Variants in SNX30 observed in about 807,000 individuals in gnomAD.
The protein encoded by SNX30 is sorting nexin-30.
Under a neutral mutation model 46.4 loss-of-function variants are expected in SNX30, and 24 were observed. The ratio of observed to expected loss-of-function variants is 0.52; its 90% CI spans 0.37 to 0.73. The LOEUF (loss-of-function observed/expected upper bound fraction) is 0.73. SNX30 is among the 30% of genes least tolerant of loss of function. The pLI is 0.00. For synonymous variants in SNX30, 189 were observed against 211.5 expected (o/e 0.89, Z 0.92); for missense variants, 533 against 555.7 (o/e 0.96, Z 0.41).
chr9:112,871,123 T>C lies in SNX30; in HGVS notation c.*2280T>C, dbSNP rs530979397. The C allele has an allele frequency of 5.2e-5, 8 of 152,422 alleles. No individual in the cohort carries two copies. The South Asian group carries it at 1.7e-3, about 32-fold the overall frequency. 9.4% of individuals were successfully genotyped at this position (152,422 alleles called of 1,614,324 possible). A position where few individuals can be genotyped will look rare whatever the true frequency, so the allele number is the denominator to read the frequency against. On this transcript the variant is annotated 3_prime_UTR_variant, in exon 9 of 9. Coordinates refer to ENST00000374232, the MANE Select transcript of SNX30 (RefSeq NM_001012994.2). ...AGGCAGGCACCGTGGGATTTGGGCT[T>C]GCTCTGCTTGGTCCCCATGTGATGC...
chr9:112,771,485 C>G (rs868371912), intron 1 of SNX30, among the ~76,000 whole-genome samples: 1 of 152,052 alleles, frequency 6.6e-6, no homozygotes, highest in Non-Finnish European at 1.5e-5. Flanking sequence ...GTCTGTCTTG[C>G]GTGTGTGTGA....
intron 4 of SNX30, among the ~76,000 whole-genome samples, chr9:112,835,763 CT>C (rs1318695536): frequency 6.6e-6 from 1 of 152,212 alleles, no homozygotes; most frequent in Non-Finnish European, 1.5e-5. Context: ...TTTTCTGCCA[CT>C]GTTTCCTGCT....
At chr9:112,798,006 G>C (rs143404727) in intron 1 of SNX30, among the ~76,000 whole-genome samples, 1 of 150,226 alleles carries the variant, frequency 6.7e-6, no homozygotes, top group Non-Finnish European at 1.5e-5. Context: ...GGCACTGCGC[G>C]CCCAGCCAGG....
chr9:112,770,225 G>A (rs1839626394), intron 1 of SNX30, among the ~76,000 whole-genome samples: 2 of 152,008 alleles, frequency 1.3e-5, no homozygotes. Context: ...AGGCTGGAGT[G>A]TTGTGGTGCG....
intron 1 of SNX30, among the ~76,000 whole-genome samples, chr9:112,773,057 G>A (rs1024752870): frequency 2.0e-5 from 3 of 152,194 alleles, no homozygotes; most frequent in African/African-American, 4.8e-5. Context: ...TTGTTCCAAA[G>A]CAAGGAAGCA....
At position 112,836,331 on chromosome 9, in the gene SNX30, G is replaced by A. The variant is rs1309357448; in HGVS notation, c.736G>A (p.Gly246Ser). The A allele has an allele frequency of 6.2e-7, 1 of 1,613,270 alleles. No homozygotes were observed. Among genetic ancestry groups the A allele is most frequent in the African/African-American group, 1.3e-5 (1 of 74,918 alleles). Residue 246 changes from glycine (G) to serine (S), a missense_variant, in exon 5 of 9, where the codon GGT becomes AGT. Gly to Ser is a moderately conservative substitution (Grantham distance 56, BLOSUM62 0). Around this residue, in one of 3 missense-constraint regions of SNX30, gnomAD observed 261 missense variants for 270.9 expected, o/e 0.96. Coordinates refer to ENST00000374232, the MANE Select transcript of SNX30 (RefSeq NM_001012994.2). ...RTRPLEFAAIGDYLDTFALKL... is the reference protein window; with the variant it reads ...RTRPLEFAAISDYLDTFALKL... Reference sequence around the variant, plus strand: ...TCGGCCGCTTGAGTTTGCTGCCATAGGTGACTACTTAGATACATTTGCACT... The same window carrying A: ...TCGGCCGCTTGAGTTTGCTGCCATAAGTGACTACTTAGATACATTTGCACT...
intron 1 of SNX30, among the ~76,000 whole-genome samples, chr9:112,760,754 C>T (rs756802114): frequency 5.9e-5 from 9 of 152,142 alleles, no homozygotes; most frequent in Non-Finnish European, 8.8e-5. Flanking sequence ...TTACCAATAC[C>T]GTGACCTTAA....
chr9:112,753,825 T>C (rs1378308432), intron 1 of SNX30, among the ~76,000 whole-genome samples: 2 of 152,236 alleles, frequency 1.3e-5, no homozygotes, highest in Non-Finnish European at 2.9e-5. Flanking sequence ...GAGTAACATT[T>C]TCCTTGAATC....
intron 8 of SNX30, among the ~76,000 whole-genome samples, chr9:112,865,674 T>C (rs1841324609): frequency 9.2e-6 from 1 of 108,126 alleles, no homozygotes; most frequent in African/African-American, 3.5e-5. Context: ...TATGTATGTA[T>C]GCACACACAC....
chr9:112,783,031 T>G (rs1839869700), intron 1 of SNX30, among the ~76,000 whole-genome samples: 1 of 152,236 alleles, frequency 6.6e-6, no homozygotes, highest in African/African-American at 2.4e-5. Flanking sequence ...GAGAAGTGGC[T>G]TGATTTATTT....
At chr9:112,882,214 C>G (rs1429890662), downstream of SNX30, among the ~76,000 whole-genome samples, 3 of 152,160 alleles carry the variant, frequency 2.0e-5, no homozygotes, top group Non-Finnish European at 2.9e-5. Flanking sequence ...TCAAGCAATC[C>G]TCGCACATCA....
chr9:112,838,462 C>T, intron 5 of SNX30, 36 bp from the exon 6 acceptor site: 1 of 1,567,726 alleles, frequency 6.4e-7, no homozygotes, highest in South Asian at 1.2e-5. Flanking sequence ...AACTGCTACC[C>T]AGCCAGATTT....
chr9:112,884,279 C>T (rs958192974), downstream of SNX30, among the ~76,000 whole-genome samples: 52 of 152,194 alleles, frequency 3.4e-4, no homozygotes, highest in African/African-American at 1.2e-3. Context: ...CCAGCCTCTG[C>T]CCTCTGAGTC....
In SNX30 at chr9:112,871,675, G is replaced by A. The variant is rs1841447752; in HGVS notation, c.*2832G>A. Reference sequence around the variant, plus strand: ...AGCAGCCGCCCCAGGCCTGGAAAGTGGGAGATTTCATTCGCCCGGGTTAAA... The same window carrying A: ...AGCAGCCGCCCCAGGCCTGGAAAGTAGGAGATTTCATTCGCCCGGGTTAAA... On this transcript the variant is annotated 3_prime_UTR_variant, in exon 9 of 9. Coordinates refer to ENST00000374232, the MANE Select transcript of SNX30 (RefSeq NM_001012994.2). 2.6e-5 allele frequency: 4 copies of A among 152,164 alleles called. No homozygotes were observed. 9.4% of individuals were successfully genotyped at this position (152,164 alleles called of 1,614,324 possible). A position where few individuals can be genotyped will look rare whatever the true frequency, so the allele number is the denominator to read the frequency against.
chr9:112,817,066 A>AT (rs1444952804), intron 2 of SNX30, among the ~76,000 whole-genome samples: 1 of 152,202 alleles, frequency 6.6e-6, no homozygotes, highest in Non-Finnish European at 1.5e-5. Flanking sequence ...TCTGTCTAAA[A>AT]TATAACAGTT....
At chr9:112,828,908 T>A (rs1483167311) in intron 3 of SNX30, among the ~76,000 whole-genome samples, 3 of 152,072 alleles carry the variant, frequency 2.0e-5, no homozygotes, top group African/African-American at 4.8e-5. Flanking sequence ...AGCAGTCACA[T>A]CTCATTTCCC....
chr9:112,811,503 A>G (rs1840319019), intron 2 of SNX30, among the ~76,000 whole-genome samples: 1 of 152,092 alleles, frequency 6.6e-6, no homozygotes, highest in Non-Finnish European at 1.5e-5. Context: ...GCCCTGCTGG[A>G]TGACCGATTA....
downstream of SNX30, chr9:112,879,904 T>A: frequency 7.5e-7 from 1 of 1,332,500 alleles, no homozygotes; most frequent in Non-Finnish European, 1.1e-6. Context: ...TAATGATAAT[T>A]ACAAGCCAGG....
At chr9:112,884,149 G>A (rs948418832), downstream of SNX30, among the ~76,000 whole-genome samples, 10 of 152,342 alleles carry the variant, frequency 6.6e-5, no homozygotes, top group Admixed American at 3.9e-4. Context: ...AAGTTCTTAC[G>A]GTGGCATGAA....
Sources: allele counts gnomAD v4.1 joint callset (sites outside exome capture counted in the v4.1 genomes callset), GRCh38; gene constraint gnomAD v4.1.1; regional missense constraint gnomAD v4.1.1; transcripts MANE v1.5; gene names NCBI Gene and HGNC (gene_info 2026-07-23, HGNC 2026-07-21).